The following ZNF470 variants were observed in gnomAD, a reference collection of about 807,000 sequenced individuals.
The protein encoded by ZNF470 is chondrogenesis zinc finger protein 1.
Under a neutral mutation model 13.9 loss-of-function variants are expected in ZNF470, and 13 were observed. The observed-to-expected ratio is 0.94, with a 90% CI of 0.61 to 1.49. The LOEUF is 1.49. Among genes scored for constraint, ZNF470 ranks in the 40% most tolerant of loss-of-function variants. The pLI, the probability that ZNF470 is intolerant of heterozygous loss-of-function variation, is 0.00. For missense variants in ZNF470, 929 were observed against 857.3 expected, an observed-to-expected ratio of 1.08 and a Z score of -1.04; for synonymous variants, 293 against 282.9, an observed-to-expected ratio of 1.04 and a Z score of -0.36.
Position 56,568,779 on chromosome 19 carries a change from G to A in ZNF470, c.-137G>A, listed in dbSNP as rs1257589772. 1 of 152,178 alleles carries A rather than the reference G, an allele frequency of 6.6e-6. No individual in the cohort carries two copies. The highest frequency in any genetic ancestry group is 1.5e-5 in the Non-Finnish European group (1 of 68,040). The allele number at this position is 152,178 out of a possible 1,614,324, so 9.4% of individuals were successfully genotyped here. On this transcript the variant is annotated 5_prime_UTR_variant, in exon 2 of 6. Coordinates refer to ENST00000330619, the MANE Select transcript of ZNF470 (RefSeq NM_001001668.4). Reference sequence around the variant, plus strand: ...ACAGATGAAGACACAGAAGCATAGAGAGGATAAGTAATCACTAGCAAGTGG... The same window carrying A: ...ACAGATGAAGACACAGAAGCATAGAAAGGATAAGTAATCACTAGCAAGTGG...
In ZNF470 at chr19:56,577,308, C is replaced by T. The variant is rs1325446796; in HGVS notation, c.879C>T (p.Phe293=). The T allele has an allele frequency of 1.9e-6, 3 of 1,613,778 alleles. No homozygotes were observed. Among genetic ancestry groups the T allele is most frequent in the Admixed American group, 1.7e-5 (1 of 59,974 alleles). The change falls in exon 6 of 6, where the codon TTC becomes TTT. Residue 293 remains phenylalanine (F), a synonymous_variant. Transcript: ENST00000330619. The part of the protein sequence containing the change: ...PFECTECGKA[F]SQNAHLVQHQ... The stretch of plus-strand genomic sequence containing the variant: ...AATGTACTGAATGTGGGAAAGCCTT[C>T]AGCCAGAATGCTCATCTTGTTCAAC...
rs2044430716 is a variant in ZNF470, at chr19:56,568,883, G to A, written c.-33G>A. On this transcript the variant is annotated splice_region_variant and 5_prime_UTR_variant, in exon 2 of 6. Coordinates refer to ENST00000330619, the MANE Select transcript of ZNF470 (RefSeq NM_001001668.4). ...TGTAGTTTCCTCAACTACTGCCTCA[G>A]GTAGGTTTCTTAGCCACTTTTGACA... is the stretch of plus-strand genomic sequence containing the variant. 1 of 152,150 alleles carries A rather than the reference G, an allele frequency of 6.6e-6. No individual in the cohort carries two copies. The highest frequency in any genetic ancestry group is 6.5e-5 in the Admixed American group (1 of 15,274). The allele number at this position is 152,150 out of a possible 1,614,324, so 9.4% of individuals were successfully genotyped here.
chr19:56,573,907 T>G lies in ZNF470; in HGVS notation c.61-487T>G, dbSNP rs532971135. 1.0e-5 allele frequency: 10 copies of G among 968,662 alleles called. No individual in the cohort carries two copies. In the Admixed American group the frequency reaches 3.1e-4, roughly 30 times the overall value. The allele number at this position is 968,662 out of a possible 1,614,324, so 60.0% of individuals were successfully genotyped here. On this transcript the variant is annotated intron_variant, in intron 3 of 5. Coordinates refer to ENST00000330619, the MANE Select transcript of ZNF470 (RefSeq NM_001001668.4). ...CTAGGTGTTTTTTTCCTTTCATTTT[T>G]TAGGCATACCTCTTAACATCTCAAG...
At position 56,574,520 on chromosome 19, in the gene ZNF470, G is replaced by T. The variant is rs757456423; in HGVS notation, c.187G>T (p.Gly63Cys). The stretch of plus-strand genomic sequence containing the variant: ...AAACTACAGGAACCTAGTTTCAGTG[G>T]GTAAGAGTATCTTCCTCCTGTTGCC... ...LENYRNLVSV[G>C]LCISKPDVIS... The change falls in exon 4 of 6, where the codon GGT becomes TGT. Residue 63 changes from glycine to cysteine, a missense_variant and splice_region_variant. Transcript: ENST00000330619. 1 of 1,613,574 alleles carries T rather than the reference G, an allele frequency of 6.2e-7. No homozygotes were observed. The highest frequency in any genetic ancestry group is 1.1e-5 in the South Asian group (1 of 91,036).
At position 56,580,238 on chromosome 19, in the gene ZNF470, G is replaced by A. The variant is rs1044074672; in HGVS notation, c.*1655G>A. ...TGAAAATAGTCATGATAGTCCCAAG[G>A]CAGATATTGTTTATGATGCTTTGAG... On this transcript the variant is annotated 3_prime_UTR_variant, in exon 6 of 6. Coordinates refer to ENST00000330619, the MANE Select transcript of ZNF470 (RefSeq NM_001001668.4). 1 of 837,246 alleles carries A rather than the reference G, an allele frequency of 1.2e-6. No individual in the cohort carries two copies. Among genetic ancestry groups the A allele is most frequent in the Non-Finnish European group, 1.4e-6 (1 of 695,526 alleles). The allele number at this position is 837,246 out of a possible 1,614,324, so 51.9% of individuals were successfully genotyped here. A position where few individuals can be genotyped will look rare whatever the true frequency, so the allele number is the denominator to read the frequency against.
Position 56,581,109 on chromosome 19 carries a change from G to A in ZNF470, c.*2526G>A, listed in dbSNP as rs1347611317. On this transcript the variant is annotated 3_prime_UTR_variant, in exon 6 of 6. Transcript: ENST00000330619. ...TAGATAAATGAGAGACTGACACAAA[G>A]TGTTTGCAACAGATATAATAAAGGA... 1 of 961,898 alleles carries A rather than the reference G, an allele frequency of 1.0e-6. No individual in the cohort carries two copies. Among genetic ancestry groups the A allele is most frequent in the East Asian group, 1.2e-4 (1 of 8,662 alleles). The allele number at this position is 961,898 out of a possible 1,614,324, so 59.6% of individuals were successfully genotyped here.
Position 56,580,744 on chromosome 19 carries a change from T to C in ZNF470, c.*2161T>C, listed in dbSNP as rs533087878. On this transcript the variant is annotated 3_prime_UTR_variant, in exon 6 of 6. Coordinates refer to ENST00000330619, the MANE Select transcript of ZNF470 (RefSeq NM_001001668.4). ...ATGGAGTTTGGGGCTCCCTCTTCAC[T>C]TCTGCTGATAGAAGCATAATGGCTA... 1.5e-6 allele frequency: 1 copy of C among 676,024 alleles called. No homozygotes were observed. The highest frequency in any genetic ancestry group is 1.4e-4 in the East Asian group (1 of 7,400). 41.9% of individuals were successfully genotyped at this position (676,024 alleles called of 1,614,324 possible). A position where few individuals can be genotyped will look rare whatever the true frequency, so the allele number is the denominator to read the frequency against.
At chr19:56,576,135 C>T (rs1252548565) in intron 5 of ZNF470, among the ~76,000 whole-genome samples, 2 of 152,022 alleles carry the variant, frequency 1.3e-5, no homozygotes, top group Non-Finnish European at 2.9e-5. Context: ...AATCTATTTT[C>T]CTCAACTCTC....
At position 56,570,282 on chromosome 19, in the gene ZNF470, C is replaced by T; in HGVS notation, c.-30C>T. 1 of 1,609,480 alleles carries T rather than the reference C, an allele frequency of 6.2e-7. No homozygotes were observed. Among genetic ancestry groups the T allele is most frequent in the Non-Finnish European group, 8.5e-7 (1 of 1,176,076 alleles). Reference sequence around the variant, plus strand: ...TCACTACTTCTTTTTCTCCCCAGCTCTACAATCCCAGAGTAAAGCTCTTCT... The same window carrying T: ...TCACTACTTCTTTTTCTCCCCAGCTTTACAATCCCAGAGTAAAGCTCTTCT... On this transcript the variant is annotated splice_region_variant and 5_prime_UTR_variant, in exon 3 of 6. Coordinates refer to ENST00000330619, the MANE Select transcript of ZNF470 (RefSeq NM_001001668.4).
chr19:56,575,827 A>G (rs558712914), intron 5 of ZNF470, among the ~76,000 whole-genome samples: 5 of 152,218 alleles, frequency 3.3e-5, no homozygotes, highest in African/African-American at 9.6e-5. Context: ...TTGTGGTCCT[A>G]TGTACATTAA....
Position 56,578,704 on chromosome 19 carries a change from T to A in ZNF470, c.*121T>A, listed in dbSNP as rs938872539. ...TGCAGTAGCATAACTGTTGCCCCTTTTGCTTCTATCAACTACATGTTTAAC... is the reference window on the plus strand; with the variant it reads ...TGCAGTAGCATAACTGTTGCCCCTTATGCTTCTATCAACTACATGTTTAAC... On this transcript the variant is annotated 3_prime_UTR_variant, in exon 6 of 6. Coordinates refer to ENST00000330619, the MANE Select transcript of ZNF470 (RefSeq NM_001001668.4). 8 of 1,307,262 alleles carry A rather than the reference T, an allele frequency of 6.1e-6. No homozygotes were observed. Among genetic ancestry groups the A allele is most frequent in the Non-Finnish European group, 6.8e-6 (7 of 1,026,424 alleles). The allele number at this position is 1,307,262 out of a possible 1,614,324, so 81.0% of individuals were successfully genotyped here.
In ZNF470 at chr19:56,578,734, T is replaced by C; in HGVS notation, c.*151T>C. On this transcript the variant is annotated 3_prime_UTR_variant, in exon 6 of 6. Coordinates refer to ENST00000330619, the MANE Select transcript of ZNF470 (RefSeq NM_001001668.4). ...TCTATCAACTACATGTTTAACACTG[T>C]AGGCAGCCTAACCTTTTAAAAATAA... The C allele has an allele frequency of 7.9e-7, 1 of 1,273,030 alleles. No individual in the cohort carries two copies. Among genetic ancestry groups the C allele is most frequent in the Non-Finnish European group, 9.9e-7 (1 of 1,008,286 alleles). The allele number at this position is 1,273,030 out of a possible 1,614,324, so 78.9% of individuals were successfully genotyped here.
Position 56,580,178 on chromosome 19 carries a change from G to T in ZNF470, c.*1595G>T. 2 of 969,510 alleles carry T rather than the reference G, an allele frequency of 2.1e-6. No homozygotes were observed. The highest frequency in any genetic ancestry group is 2.4e-6 in the Non-Finnish European group (2 of 823,944). 60.1% of individuals were successfully genotyped at this position (969,510 alleles called of 1,614,324 possible). ...ATGTTGGTATTAGAGGATGAGGGAA[G>T]AACTAGAGGTAACTGTGAGACACAA... is the stretch of plus-strand genomic sequence containing the variant. On this transcript the variant is annotated 3_prime_UTR_variant, in exon 6 of 6. Coordinates refer to ENST00000330619, the MANE Select transcript of ZNF470 (RefSeq NM_001001668.4).
chr19:56,577,837 C>T lies in ZNF470; in HGVS notation c.1408C>T (p.Leu470Phe), dbSNP rs2044503026. ...CTTCAGCCATCGTGGGTCTCTTACT[C>T]TTCATCAGAGAGTTCATACTGGAGA... is the stretch of plus-strand genomic sequence containing the variant. ...KAFSHRGSLT[L>F]HQRVHTGEKP... Residue 470 changes from leucine (L) to phenylalanine (F), a missense_variant, in exon 6 of 6, where the codon CTT becomes TTT. Coordinates refer to ENST00000330619, the MANE Select transcript of ZNF470 (RefSeq NM_001001668.4). The T allele has an allele frequency of 6.2e-7, 1 of 1,613,952 alleles. No homozygotes were observed. The highest frequency in any genetic ancestry group is 8.5e-7 in the Non-Finnish European group (1 of 1,179,982).
Position 56,579,670 on chromosome 19 carries a change from C to G in ZNF470, c.*1087C>G. 1 of 985,210 alleles carries G rather than the reference C, an allele frequency of 1.0e-6. No homozygotes were observed. Among genetic ancestry groups the G allele is most frequent in the Non-Finnish European group, 1.2e-6 (1 of 829,864 alleles). 61.0% of individuals were successfully genotyped at this position (985,210 alleles called of 1,614,324 possible). A position where few individuals can be genotyped will look rare whatever the true frequency, so the allele number is the denominator to read the frequency against. On this transcript the variant is annotated 3_prime_UTR_variant, in exon 6 of 6. Coordinates refer to ENST00000330619, the MANE Select transcript of ZNF470 (RefSeq NM_001001668.4). The stretch of plus-strand genomic sequence containing the variant: ...TGTTCCATGAGATTGACAAGACATG[C>G]CAAAACATAAAAATATGTACACTGC...
intron 1 of ZNF470, among the ~76,000 whole-genome samples, chr19:56,568,502 A>G (rs2044427429): frequency 6.6e-6 from 1 of 152,140 alleles, no homozygotes; most frequent in South Asian, 2.1e-4. Context: ...GTTCTAGTCA[A>G]TAACGGAAGA....
chr19:56,568,393 C>G (rs140486485), intron 1 of ZNF470, among the ~76,000 whole-genome samples: 2 of 152,268 alleles, frequency 1.3e-5, no homozygotes, highest in African/African-American at 2.4e-5. Flanking sequence ...CCCGTCAGAG[C>G]CTTGTCCCAT....
At position 56,580,205 on chromosome 19, in the gene ZNF470, A is replaced by T; in HGVS notation, c.*1622A>T. 2 of 971,854 alleles carry T rather than the reference A, an allele frequency of 2.1e-6. No individual in the cohort carries two copies. The highest frequency in any genetic ancestry group is 2.4e-6 in the Non-Finnish European group (2 of 817,734). 60.2% of individuals were successfully genotyped at this position (971,854 alleles called of 1,614,324 possible). On this transcript the variant is annotated 3_prime_UTR_variant, in exon 6 of 6. Transcript: ENST00000330619. Reference sequence around the variant, plus strand: ...ACTAGAGGTAACTGTGAGACACAAAAGGCATAATGAAAATAGTCATGATAG... The same window carrying T: ...ACTAGAGGTAACTGTGAGACACAAATGGCATAATGAAAATAGTCATGATAG...
At chr19:56,576,239 CAAGT>C (rs1170640864) in intron 5 of ZNF470, among the ~76,000 whole-genome samples, 1 of 151,878 alleles carries the variant, frequency 6.6e-6, no homozygotes, top group Non-Finnish European at 1.5e-5. Flanking sequence ...AACATTTAAA[CAAGT>C]AAGTTACCAT....
Sources: allele counts gnomAD v4.1 joint callset (sites outside exome capture counted in the v4.1 genomes callset), GRCh38; gene constraint gnomAD v4.1.1; transcripts MANE v1.5; gene names NCBI Gene and HGNC (gene_info 2026-07-23, HGNC 2026-07-21).